Variants in USF3 observed in about 807,000 individuals in gnomAD.
The protein encoded by USF3 is basic helix-loop-helix domain-containing protein USF3.
USF3 carries 29 observed loss-of-function variants against 157.5 expected under a neutral mutation model. The ratio of observed to expected loss-of-function variants is 0.18; its 90% confidence interval spans 0.14 to 0.25. The LOEUF is 0.25. Among genes scored for constraint, USF3 ranks in the 10% least tolerant of loss-of-function variants. The pLI, the probability that USF3 is intolerant of heterozygous loss-of-function variation, is 1.00. For synonymous variants in USF3, 893 were observed against 941.4 expected (o/e 0.95, Z 0.94); for missense variants, 2,381 against 2,667.6 (o/e 0.89, Z 2.37).
intron 1 of USF3, among the ~76,000 whole-genome samples, chr3:113,680,324 T>G (rs1559721506): frequency 1.3e-5 from 2 of 152,140 alleles, no homozygotes; most frequent in Non-Finnish European, 2.9e-5. Flanking sequence ...GGTTCAATTT[T>G]GGTAGGTTGT....
chr3:113,662,421 C>A (rs1947501117), intron 6 of USF3, among the ~76,000 whole-genome samples: 1 of 152,226 alleles, frequency 6.6e-6, no homozygotes, highest in Non-Finnish European at 1.5e-5. Flanking sequence ...TGTGACCCCA[C>A]ACATCCCCAT....
In USF3 at chr3:113,661,394, C is replaced by T; in HGVS notation, c.288G>A (p.Leu96=). The T allele has an allele frequency of 6.4e-7, 1 of 1,567,250 alleles. No homozygotes were observed. Among genetic ancestry groups the T allele is most frequent in the Non-Finnish European group, 8.6e-7 (1 of 1,161,312 alleles). ...GGCCATTTTCTTTTTGGATTTCTTC[C>T]AGTTGTTTCCGTAGCTTTTTTATTT... is the stretch of plus-strand genomic sequence containing the variant. ...AEEIKKLRKQ[L]EEIQKENGRY... is the part of the protein sequence containing the mutation. Residue 96 remains leucine (L), a synonymous_variant, in exon 7 of 7, where the codon CTG becomes CTA. Coordinates refer to ENST00000316407, the MANE Select transcript of USF3 (RefSeq NM_001009899.4).
At position 113,655,092 on chromosome 3, in the gene USF3, A is replaced by C; in HGVS notation, c.6590T>G (p.Ile2197Arg). The change falls in exon 7 of 7, where the codon ATA becomes AGA. Residue 2197 changes from isoleucine (I) to arginine (R), a missense_variant. Coordinates refer to ENST00000316407, the MANE Select transcript of USF3 (RefSeq NM_001009899.4). Reference sequence around the variant, plus strand: ...TGAGCCATCAGGAAGCGCTGTGGCTATTTCTGGAAACAAAGATGTCATATT... The same window carrying C: ...TGAGCCATCAGGAAGCGCTGTGGCTCTTTCTGGAAACAAAGATGTCATATT... ...NFNMTSLFPEIATALPDGSAM... is the reference protein window; with the variant it reads ...NFNMTSLFPERATALPDGSAM... 1 of 1,614,214 alleles carries C rather than the reference A, an allele frequency of 6.2e-7. No homozygotes were observed. The highest frequency in any genetic ancestry group is 1.3e-5 in the African/African-American group (1 of 75,072).
chr3:113,672,281 T>C (rs1458195980), intron 4 of USF3, among the ~76,000 whole-genome samples: 2 of 151,692 alleles, frequency 1.3e-5, no homozygotes, highest in African/African-American at 2.4e-5. Context: ...CGCACCACCA[T>C]ACCCGGCTAA....
chr3:113,674,833 T>C lies in USF3; in HGVS notation c.46A>G (p.Arg16Gly). The C allele has an allele frequency of 6.2e-7, 1 of 1,613,126 alleles. No individual in the cohort carries two copies. Among genetic ancestry groups the C allele is most frequent in the African/African-American group, 1.3e-5 (1 of 75,048 alleles). The change falls in exon 3 of 7, where the codon AGA becomes GGA. Residue 16 changes from arginine to glycine, a missense_variant and splice_region_variant. Around this residue, in one of 6 missense-constraint regions of USF3, gnomAD observed 105 missense variants for 158.6 expected, o/e 0.66. Transcript: ENST00000316407. ...ENETPTKKQH[R>G]KKNRETHNAV... ...TATATTGGGGCTGTGGATACATACC[T>C]GTGCTGCTTTTTTGTAGGCGTCTCA...
intron 1 of USF3, among the ~76,000 whole-genome samples, chr3:113,683,127 C>A (rs1707472093): frequency 6.6e-6 from 1 of 151,650 alleles, no homozygotes; most frequent in South Asian, 2.1e-4. Context: ...TTGTATTTTT[C>A]TGACCTGAGG....
In USF3 at chr3:113,655,800, C is replaced by T; in HGVS notation, c.5882G>A (p.Gly1961Asp). 4 of 1,614,150 alleles carry T rather than the reference C, an allele frequency of 2.5e-6. No individual in the cohort carries two copies. Among genetic ancestry groups the T allele is most frequent in the Non-Finnish European group, 3.4e-6 (4 of 1,180,026 alleles). ...TTGACGTACAGCAGGGCCTTGATCG[C>T]CATTTCCATGAGACACAGATGGATG... ...LPHPSVSHGN[G>D]DQGPAVRQAN... Residue 1961 changes from glycine (G) to aspartate (D), a missense_variant, in exon 7 of 7, where the codon GGC becomes GAC. Transcript: ENST00000316407.
intron 1 of USF3, among the ~76,000 whole-genome samples, chr3:113,690,631 T>G (rs987173599): frequency 3.3e-5 from 5 of 152,160 alleles, no homozygotes; most frequent in African/African-American, 1.2e-4. Flanking sequence ...CTACTTCACT[T>G]TATGCTAAAT....
Position 113,661,027 on chromosome 3 carries a change from T to C in USF3, c.655A>G (p.Thr219Ala). 2 of 1,614,176 alleles carry C rather than the reference T, an allele frequency of 1.2e-6. No individual in the cohort carries two copies. Among genetic ancestry groups the C allele is most frequent in the Non-Finnish European group, 1.7e-6 (2 of 1,180,020 alleles). ...AGACAAAGAGGAACAGGCTGGTTGG[T>C]AGCCAATGCAGGAACTGTGGTCTGA... is the stretch of plus-strand genomic sequence containing the variant. ...WHQTTVPALA[T>A]NQPVPLCLPA... Residue 219 changes from threonine (T) to alanine (A), a missense_variant, in exon 7 of 7, where the codon ACC (threonine) becomes GCC (alanine). Physicochemically the swap from Thr to Ala is moderately conservative, Grantham distance 58. Around this residue, in one of 6 missense-constraint regions of USF3, gnomAD observed 1,435 missense variants for 1,550.9 expected, o/e 0.93. Transcript: ENST00000316407.
chr3:113,694,050 T>C (rs1707749402), intron 1 of USF3, among the ~76,000 whole-genome samples: 1 of 152,194 alleles, frequency 6.6e-6, no homozygotes, highest in Admixed American at 6.5e-5. Context: ...AGAGCTTTAC[T>C]CCAGATCAAA....
intron 1 of USF3, among the ~76,000 whole-genome samples, chr3:113,678,707 T>C (rs912187363): frequency 6.6e-6 from 1 of 152,222 alleles, no homozygotes; most frequent in South Asian, 2.1e-4. Context: ...TACAAATATA[T>C]GCCTTAAAAT....
rs765140523 is a variant in USF3, at chr3:113,660,779, T to C, written c.903A>G (p.Thr301=). Residue 301 remains threonine, a synonymous_variant, in exon 7 of 7, where the codon ACA becomes ACG. Coordinates refer to ENST00000316407, the MANE Select transcript of USF3 (RefSeq NM_001009899.4). ...TTGCTGAGGAGCTGTGGGGGATGTT[T>C]GTAACACAAGGGGTCATTTTCTTCA... ...KVLKKMTPCV[T]NIPHSSSATA... The C allele has an allele frequency of 2.5e-6, 4 of 1,614,102 alleles. No individual in the cohort carries two copies. The highest frequency in any genetic ancestry group is 3.4e-6 in the Non-Finnish European group (4 of 1,180,060).
chr3:113,693,574 AG>A (rs1232702887), intron 1 of USF3, among the ~76,000 whole-genome samples: 6 of 152,270 alleles, frequency 3.9e-5, no homozygotes, highest in Non-Finnish European at 8.8e-5. Flanking sequence ...AGGAAGAGTC[AG>A]AAGGGTTCCA....
At chr3:113,691,223 T>C (rs1707674426) in intron 1 of USF3, among the ~76,000 whole-genome samples, 1 of 152,150 alleles carries the variant, frequency 6.6e-6, no homozygotes, top group South Asian at 2.1e-4. Context: ...TTCAACTTTT[T>C]CCATGTAAAA....
rs116778988 is a variant in USF3, at chr3:113,652,918, T to C, written c.*2026A>G. The C allele has an allele frequency of 9.6e-5, 54 of 562,516 alleles. No individual in the cohort carries two copies. The highest frequency in any genetic ancestry group is 1.5e-4 in the Non-Finnish European group (50 of 343,700). 34.8% of individuals were successfully genotyped at this position (562,516 alleles called of 1,614,324 possible). ...GCTGCAGTGAGCCAAGATCCTGCCA[T>C]TGTAGACTCCAGCCTGGGTGACAAA... is the stretch of plus-strand genomic sequence containing the variant. On this transcript the variant is annotated 3_prime_UTR_variant, in exon 7 of 7. Coordinates refer to ENST00000316407, the MANE Select transcript of USF3 (RefSeq NM_001009899.4).
intron 2 of USF3, among the ~76,000 whole-genome samples, chr3:113,675,431 T>C (rs1420104315): frequency 6.6e-6 from 1 of 152,224 alleles, no homozygotes; most frequent in Admixed American, 6.5e-5. Flanking sequence ...AGAAGTCTCA[T>C]ATTATCATTT....
At chr3:113,663,756 T>C (rs976771930) in intron 6 of USF3, among the ~76,000 whole-genome samples, 1 of 152,202 alleles carries the variant, frequency 6.6e-6, no homozygotes, top group Non-Finnish European at 1.5e-5. Context: ...GAAAACTTTC[T>C]CTCCAATGCT....
At chr3:113,670,643 G>T (rs1707133119) in intron 4 of USF3, among the ~76,000 whole-genome samples, 1 of 151,922 alleles carries the variant, frequency 6.6e-6, no homozygotes, top group Admixed American at 6.6e-5. Flanking sequence ...GGAAGGGGAA[G>T]GGGAAGGGCT....
chr3:113,659,870 G>A lies in USF3; in HGVS notation c.1812C>T (p.Leu604=), dbSNP rs2107924889. 6 of 1,614,208 alleles carry A rather than the reference G, an allele frequency of 3.7e-6. No homozygotes were observed. Among genetic ancestry groups the A allele is most frequent in the Non-Finnish European group, 5.1e-6 (6 of 1,180,036 alleles). ...LPAPPPGSVR[L]PINGANTVIG... The stretch of plus-strand genomic sequence containing the variant: ...TTACAGTATTGGCTCCATTGATGGG[G>A]AGTCGAACAGAACCAGGAGGTGGAG... Residue 604 remains leucine, a synonymous_variant, in exon 7 of 7, where the codon CTC becomes CTT. Transcript: ENST00000316407.
Sources: gnomAD v4.1 joint callset for allele counts (sites outside exome capture counted in the v4.1 genomes callset) on GRCh38, gnomAD v4.1.1 for gene constraint, gnomAD v4.1.1 regional missense constraint, MANE v1.5 for transcripts, NCBI Gene and HGNC (gene_info 2026-07-23, HGNC 2026-07-21) for gene names.